The following PCDHGA11 variants were observed in gnomAD, a reference collection of about 807,000 sequenced individuals.
The protein encoded by PCDHGA11 is protocadherin gamma subfamily A, 11, also known as protocadherin gamma-A11.
PCDHGA11 carries 39 observed loss-of-function variants against 60.4 expected under a neutral mutation model. The ratio of observed to expected loss-of-function variants is 0.65; its 90% CI spans 0.50 to 0.84. The LOEUF (loss-of-function observed/expected upper bound fraction) is 0.84, where lower values mean the gene tolerates loss of function less well. Among genes scored for constraint, PCDHGA11 ranks in the 40% least tolerant of loss-of-function variants. PCDHGA11 has a pLI of 0.00. For missense variants in PCDHGA11, 1,165 were observed against 1,197.7 expected (o/e 0.97, Z 0.40); for synonymous variants, 533 against 510.3 (o/e 1.04, Z -0.60).
chr5:141,433,935 T>C (rs2097665519), intron 1 of PCDHGA11, among the ~76,000 whole-genome samples: 1 of 152,150 alleles, frequency 6.6e-6, no homozygotes, highest in African/African-American at 2.4e-5. Context: ...GATTTTATAA[T>C]TCCATTGTTT....
rs577770679 is a variant in PCDHGA11, at chr5:141,458,782, G to A, written c.2433+35122G>A. Reference sequence around the variant, plus strand: ...GGGTCTTGCTGTGTCACACAGGCTGGAGTGCAGTGGTGTGATCTCAGCTCA... The same window carrying A: ...GGGTCTTGCTGTGTCACACAGGCTGAAGTGCAGTGGTGTGATCTCAGCTCA... On this transcript the variant is annotated intron_variant, in intron 1 of 3. Coordinates refer to ENST00000398587, the MANE Select transcript of PCDHGA11 (RefSeq NM_018914.3). 3.3e-5 allele frequency among the ~76,000 whole-genome samples: 5 copies of A among 152,020 alleles called. No homozygotes were observed. In the East Asian group the frequency reaches 9.7e-4, roughly 30 times the overall value.
intron 1 of PCDHGA11, among the ~76,000 whole-genome samples, chr5:141,444,242 G>A (rs964582042): frequency 7.5e-6 from 1 of 133,896 alleles, no homozygotes; most frequent in Non-Finnish European, 1.5e-5. Flanking sequence ...CATGCTCTCG[G>A]CTCACTGCAA....
chr5:141,450,758 A>G (rs1007910264), intron 1 of PCDHGA11, among the ~76,000 whole-genome samples: 2 of 151,784 alleles, frequency 1.3e-5, no homozygotes, highest in African/African-American at 4.8e-5. Flanking sequence ...AAGTGCCGGG[A>G]TTACAGGCAT....
In PCDHGA11 at chr5:141,491,908, G is replaced by T; in HGVS notation, c.2434-2899G>T. ...GGGGCTCCGAGCACCGGGGGTGGTG[G>T]CGACTGTGGGCGAGGGGAGGTGGGA... On this transcript the variant is annotated intron_variant, in intron 1 of 3. Transcript: ENST00000398587. The surrounding 1 kb of genome is among the most constrained non-coding windows in gnomAD (Gnocchi z 6.9). 7.1e-7 allele frequency: 1 copy of T among 1,408,288 alleles called. No homozygotes were observed. Among genetic ancestry groups the T allele is most frequent in the Non-Finnish European group, 9.4e-7 (1 of 1,060,836 alleles). The allele number at this position is 1,408,288 out of a possible 1,614,324, so 87.2% of individuals were successfully genotyped here. A position where few individuals can be genotyped will look rare whatever the true frequency, so the allele number is the denominator to read the frequency against.
chr5:141,425,394 G>T (rs186813737), intron 1 of PCDHGA11, among the ~76,000 whole-genome samples: 10 of 152,302 alleles, frequency 6.6e-5, no homozygotes, highest in African/African-American at 2.4e-4. Context: ...TAGTGATAAA[G>T]TTCTGTTAAG....
At chr5:141,501,570 G>C (rs1251110101) in intron 2 of PCDHGA11, among the ~76,000 whole-genome samples, 1 of 151,996 alleles carries the variant, frequency 6.6e-6, no homozygotes, top group African/African-American at 2.4e-5. Flanking sequence ...ATCATATTAG[G>C]CTGGCTTTCA....
intron 2 of PCDHGA11, among the ~76,000 whole-genome samples, chr5:141,498,338 G>T (rs2237079): frequency 2.6e-5 from 4 of 151,600 alleles, no homozygotes; most frequent in Non-Finnish European, 5.9e-5. Flanking sequence ...CATTCCAAAT[G>T]GGAAAAGCCT....
Position 141,431,240 on chromosome 5 carries a change from G to A in PCDHGA11, c.2433+7580G>A, listed in dbSNP as rs1402814836. 6 of 1,614,044 alleles carry A rather than the reference G, an allele frequency of 3.7e-6. No individual in the cohort carries two copies. Among genetic ancestry groups the A allele is most frequent in the Non-Finnish European group, 5.1e-6 (6 of 1,180,056 alleles). On this transcript the variant is annotated intron_variant, in intron 1 of 3. Coordinates refer to ENST00000398587, the MANE Select transcript of PCDHGA11 (RefSeq NM_018914.3). The surrounding 1 kb of genome is among the most constrained non-coding windows in gnomAD (Gnocchi z 4.8). Reference sequence around the variant, plus strand: ...CCCTCTACCCCACGCCTGGGATCCGGATATCGGGAAGAACTCTCTGCAGAG... The same window carrying A: ...CCCTCTACCCCACGCCTGGGATCCGAATATCGGGAAGAACTCTCTGCAGAG...
At chr5:141,510,238 A>C (rs2099880007) in intron 3 of PCDHGA11, among the ~76,000 whole-genome samples, 1 of 149,340 alleles carries the variant, frequency 6.7e-6, no homozygotes, top group Non-Finnish European at 1.5e-5. Flanking sequence ...GCGCCACTGC[A>C]CTCCAGGCTG....
At chr5:141,439,780 T>G (rs1023743000) in intron 1 of PCDHGA11, 1 of 152,228 alleles carries the variant, frequency 6.6e-6, no homozygotes, top group African/African-American at 2.4e-5. Context: ...TGGCTGGAGA[T>G]TCTATAATCC....
At chr5:141,458,694 C>G (rs905547768) in intron 1 of PCDHGA11, among the ~76,000 whole-genome samples, 1 of 152,136 alleles carries the variant, frequency 6.6e-6, no homozygotes, top group East Asian at 1.9e-4. Context: ...CTCAGCCTCC[C>G]GAGTAGCTGG....
intron 1 of PCDHGA11, among the ~76,000 whole-genome samples, chr5:141,449,310 A>G (rs1006876700): frequency 4.6e-5 from 7 of 152,112 alleles, no homozygotes; most frequent in Non-Finnish European, 7.4e-5. Context: ...TATGTATTAT[A>G]TAATTGTATC....
chr5:141,432,630 G>A lies in PCDHGA11; in HGVS notation c.2433+8970G>A, dbSNP rs1278355878. On this transcript the variant is annotated intron_variant, in intron 1 of 3. Coordinates refer to ENST00000398587, the MANE Select transcript of PCDHGA11 (RefSeq NM_018914.3). This position sits in a 1 kb window ranked among gnomAD's most constrained non-coding sequence, Gnocchi z 6.0. ...CTCTTCTCGGTGGGTCTGCACACGG[G>A]CGAGGTGCGCACGGCGCGAGCCCTG... 3.7e-6 allele frequency: 6 copies of A among 1,612,782 alleles called. No homozygotes were observed. Among genetic ancestry groups the A allele is most frequent in the Non-Finnish European group, 5.1e-6 (6 of 1,179,682 alleles).
chr5:141,429,638 A>G (rs2097231013), intron 1 of PCDHGA11, among the ~76,000 whole-genome samples: 1 of 152,238 alleles, frequency 6.6e-6, no homozygotes, highest in African/African-American at 2.4e-5. Flanking sequence ...ACAGCTACCT[A>G]TATATTTCTT....
chr5:141,494,778 C>CA, intron 1 of PCDHGA11, 29 bp from the exon 2 acceptor site: 1 of 1,614,086 alleles, frequency 6.2e-7, no homozygotes, highest in Non-Finnish European at 8.5e-7. Context: ...CACGGGTACT[C>CA]AGCCCCTTTC....
At chr5:141,488,157 C>T (rs565677003) in intron 1 of PCDHGA11, among the ~76,000 whole-genome samples, 2 of 152,216 alleles carry the variant, frequency 1.3e-5, no homozygotes, top group South Asian at 2.1e-4. Context: ...TAGAGAGGCA[C>T]GCATCAGAGT....
intron 1 of PCDHGA11, among the ~76,000 whole-genome samples, chr5:141,456,877 C>T (rs910777736): frequency 2.0e-5 from 3 of 152,202 alleles, no homozygotes; most frequent in South Asian, 2.1e-4. Context: ...GCAGGAGAAT[C>T]GCTTGAACCC....
intron 1 of PCDHGA11, among the ~76,000 whole-genome samples, chr5:141,458,445 T>G (rs180720013): frequency 6.6e-6 from 1 of 151,738 alleles, no homozygotes; most frequent in East Asian, 1.9e-4. Flanking sequence ...TCCCCCACAT[T>G]AACAATTTTT....
At position 141,511,219 on chromosome 5, in the gene PCDHGA11, G is replaced by A. The variant is rs1467284181; in HGVS notation, c.*46G>A. On this transcript the variant is annotated 3_prime_UTR_variant, in exon 4 of 4. Coordinates refer to ENST00000398587, the MANE Select transcript of PCDHGA11 (RefSeq NM_018914.3). ...CCACAGGGCGGCCTCTCCCCAACCA[G>A]CCCAGCTTCTCCTTACCTGCACCCA... 5 of 1,606,366 alleles carry A rather than the reference G, an allele frequency of 3.1e-6. No individual in the cohort carries two copies. The highest frequency in any genetic ancestry group is 2.7e-5 in the African/African-American group (2 of 74,686).
Sources: allele counts gnomAD v4.1 joint callset (sites outside exome capture counted in the v4.1 genomes callset), GRCh38; gene constraint gnomAD v4.1.1; non-coding constraint Gnocchi (gnomAD v3.1); transcripts MANE v1.5; gene names NCBI Gene and HGNC (gene_info 2026-07-23, HGNC 2026-07-21).